DOCK1: variants seen among roughly 807,000 people sequenced by gnomAD.
DOCK1 encodes dedicator of cytokinesis protein 1.
In DOCK1, 138 loss-of-function variants were observed where a neutral mutation model predicts 262.7. The ratio of observed to expected loss-of-function variants is 0.53; its 90% CI spans 0.46 to 0.61. The LOEUF is 0.61. DOCK1 is among the 20% of genes least tolerant of loss of function. The pLI is 0.00. For missense variants in DOCK1, 1,908 were observed against 2,370.7 expected, an observed-to-expected ratio of 0.80 and a Z score of 4.05; for synonymous variants, 866 against 867.4, an observed-to-expected ratio of 1.00 and a Z score of 0.03.
chr10:127,137,863 C>T lies in DOCK1; in HGVS notation c.2847+10099C>T, dbSNP rs751747001. On this transcript the variant is annotated intron_variant, in intron 27 of 51. Coordinates refer to ENST00000623213, the MANE Select transcript of DOCK1 (RefSeq NM_001290223.2). ...TAAAGGAACCAGAGTTTCCATCTTC[C>T]GTGCTTTTTAGATTCAGTTTTGGAT... 26 of 1,613,878 alleles carry T rather than the reference C, an allele frequency of 1.6e-5. No individual in the cohort carries two copies. Among genetic ancestry groups the T allele is most frequent in the African/African-American group, 6.7e-5 (5 of 74,900 alleles).
At chr10:127,340,097 G>C (rs767539047) in intron 30 of DOCK1, among the ~76,000 whole-genome samples, 1 of 151,952 alleles carries the variant, frequency 6.6e-6, no homozygotes, top group Non-Finnish European at 1.5e-5. Context: ...AGTGTTTGTT[G>C]TATTGGCATT....
chr10:127,222,185 C>G (rs1277506777), intron 27 of DOCK1, among the ~76,000 whole-genome samples: 1 of 152,176 alleles, frequency 6.6e-6, no homozygotes, highest in African/African-American at 2.4e-5. Flanking sequence ...CTGCCAGCAG[C>G]AGTGCAGGAG....
intron 29 of DOCK1, among the ~76,000 whole-genome samples, chr10:127,263,368 TGGTGATATAACTTGTA>T (rs2060245336): frequency 5.3e-5 from 8 of 151,416 alleles, no homozygotes; most frequent in East Asian, 1.9e-4. Context: ...CTTACTAGAT[TGGTGATATAACTTGTA>T]AATCAAGAAT....
chr10:127,414,101 G>A lies in DOCK1; in HGVS notation c.4429-1051G>A, dbSNP rs542262496. On this transcript the variant is annotated intron_variant, in intron 43 of 51. Transcript: ENST00000623213. ...TAATTTTTGTATTTTTAGTAGAGAC[G>A]GGATTTTGCCACGTTGCCCGGCCTG... Among the ~76,000 whole-genome samples the A allele has an allele frequency of 1.8e-4, 28 of 152,206 alleles. 1 individual carries two copies. Among genetic ancestry groups the A allele is most frequent in the Admixed American group, 1.4e-3 (22 of 15,292 alleles).
At chr10:127,153,223 G>T (rs1463502176) in intron 27 of DOCK1, among the ~76,000 whole-genome samples, 2 of 152,174 alleles carry the variant, frequency 1.3e-5, no homozygotes, top group Non-Finnish European at 2.9e-5. Context: ...CCTTCTGAAG[G>T]TTTTGACTAT....
At chr10:126,996,591 G>C (rs376716090) in intron 6 of DOCK1, among the ~76,000 whole-genome samples, 157 bp from the exon 7 acceptor site, 1 of 138,588 alleles carries the variant, frequency 7.2e-6, no homozygotes, top group South Asian at 2.3e-4. Flanking sequence ...TTAAGCTAAA[G>C]AAAGCAGCCT....
At chr10:127,042,598 G>A in intron 19 of DOCK1, 27 bp from the exon 20 acceptor site, 1 of 1,608,732 alleles carries the variant, frequency 6.2e-7, no homozygotes, top group Non-Finnish European at 8.5e-7. Context: ...GGTTCACATT[G>A]TCACCCGACC....
intron 6 of DOCK1, among the ~76,000 whole-genome samples, chr10:126,994,940 T>C (rs7096586): frequency 0.67 from 99,927 of 149,122 alleles, 33,497 homozygotes; most frequent in East Asian, 0.79. Flanking sequence ...GGCTGCCGGG[T>C]GGAGGGGCTC....
chr10:127,151,813 G>T (rs1446169815), intron 27 of DOCK1, among the ~76,000 whole-genome samples: 1 of 152,168 alleles, frequency 6.6e-6, no homozygotes, highest in Non-Finnish European at 1.5e-5. Context: ...TGGACCAGTG[G>T]CTGATGTATT....
At chr10:127,061,612 CA>C in intron 22 of DOCK1, 55 bp from the exon 23 acceptor site, 2 of 1,455,840 alleles carry the variant, frequency 1.4e-6, no homozygotes, top group Admixed American at 2.0e-5. Flanking sequence ...GACATGGATT[CA>C]AAAAATGTTG....
intron 29 of DOCK1, among the ~76,000 whole-genome samples, chr10:127,330,509 T>A (rs1451910559): frequency 6.6e-6 from 1 of 152,104 alleles, no homozygotes; most frequent in Non-Finnish European, 1.5e-5. Flanking sequence ...ACAGCCACTA[T>A]GGAAAATAGT....
chr10:127,032,732 T>A (rs2043325745), intron 18 of DOCK1, among the ~76,000 whole-genome samples: 1 of 152,122 alleles, frequency 6.6e-6, no homozygotes, highest in African/African-American at 2.4e-5. Flanking sequence ...TTTATTTTTA[T>A]TTTTTATAGA....
intron 23 of DOCK1, among the ~76,000 whole-genome samples, chr10:127,081,157 C>T (rs1182239445): frequency 1.3e-5 from 2 of 152,150 alleles, no homozygotes; most frequent in Non-Finnish European, 2.9e-5. Context: ...AGCTGATGTT[C>T]ACCTTCTTGG....
intron 38 of DOCK1, among the ~76,000 whole-genome samples, chr10:127,393,070 C>T (rs1054935880): frequency 3.9e-5 from 6 of 152,232 alleles, no homozygotes; most frequent in African/African-American, 1.2e-4. Flanking sequence ...GAGAGCGCCA[C>T]GTGCACCAGG....
chr10:127,130,886 C>T (rs1242809405), intron 27 of DOCK1, among the ~76,000 whole-genome samples: 1 of 152,200 alleles, frequency 6.6e-6, no homozygotes, highest in East Asian at 1.9e-4. Context: ...CTTCAGAAGT[C>T]ATCGAAAGGA....
intron 29 of DOCK1, among the ~76,000 whole-genome samples, chr10:127,286,632 A>T (rs2061163210): frequency 6.6e-6 from 1 of 152,148 alleles, no homozygotes; most frequent in African/African-American, 2.4e-5. Context: ...GTTGAAGCAA[A>T]TCTTAGGCAT....
At chr10:127,200,922 G>C (rs562971124) in intron 27 of DOCK1, among the ~76,000 whole-genome samples, 27 of 152,170 alleles carry the variant, frequency 1.8e-4, no homozygotes, top group Non-Finnish European at 2.8e-4. Context: ...CTGTGGTTCG[G>C]ATGCCTCTGA....
At chr10:127,173,320 C>T (rs2054756986) in intron 27 of DOCK1, among the ~76,000 whole-genome samples, 1 of 152,160 alleles carries the variant, frequency 6.6e-6, no homozygotes, top group South Asian at 2.1e-4. Flanking sequence ...TTGCCCAAGC[C>T]CTCAGTGCCA....
chr10:127,406,562 G>A (rs1392050059), intron 40 of DOCK1, among the ~76,000 whole-genome samples: 2 of 152,210 alleles, frequency 1.3e-5, no homozygotes, highest in African/African-American at 4.8e-5. Flanking sequence ...TGGGCAGAAT[G>A]TTTGCGTGCT....
Sources: allele counts gnomAD v4.1 joint callset (sites outside exome capture counted in the v4.1 genomes callset), GRCh38; gene constraint gnomAD v4.1.1; transcripts MANE v1.5; gene names NCBI Gene and HGNC (gene_info 2026-07-23, HGNC 2026-07-21).